Variants in PTPRN2 observed in about 807,000 individuals in gnomAD.
PTPRN2 encodes protein tyrosine phosphatase receptor type N2.
Under a neutral mutation model 118.8 loss-of-function variants are expected in PTPRN2, and 74 were observed. The observed-to-expected ratio is 0.62, with a 90% confidence interval of 0.52 to 0.76. The LOEUF (loss-of-function observed/expected upper bound fraction) is 0.76, where lower values mean the gene tolerates loss of function less well. PTPRN2 is among the 30% of genes least tolerant of loss of function. The pLI is 0.00. For synonymous variants in PTPRN2, 641 were observed against 608.0 expected, an observed-to-expected ratio of 1.05 and a Z score of -0.80; for missense variants, 1,481 against 1,394.4, an observed-to-expected ratio of 1.06 and a Z score of -0.99.
chr7:157,794,957 G>A lies in PTPRN2; in HGVS notation c.1788+103716C>T, dbSNP rs112401029. On this transcript the variant is annotated intron_variant, in intron 12 of 22. Coordinates refer to ENST00000389418, the MANE Select transcript of PTPRN2 (RefSeq NM_002847.5). This position sits in a 1 kb window ranked among gnomAD's most constrained non-coding sequence, Gnocchi z 5.2. Reference sequence around the variant, plus strand: ...GGCCAGAGTGCTTCCCTCACTTAGCGGGGATGCAATTATAAAGTATTGAAA... The same window carrying A: ...GGCCAGAGTGCTTCCCTCACTTAGCAGGGATGCAATTATAAAGTATTGAAA... 5.3e-5 allele frequency among the ~76,000 whole-genome samples: 8 copies of A among 152,242 alleles called. No homozygotes were observed. The highest frequency in any genetic ancestry group is 2.1e-4 in the South Asian group (1 of 4,832).
At chr7:158,190,225 G>C (rs988075685) in intron 5 of PTPRN2, among the ~76,000 whole-genome samples, 1 of 152,320 alleles carries the variant, frequency 6.6e-6, no homozygotes, top group East Asian at 1.9e-4. Flanking sequence ...AGGCACAGAA[G>C]CTGAGCGGCT....
intron 11 of PTPRN2, among the ~76,000 whole-genome samples, chr7:157,976,200 G>A (rs754721263): frequency 2.6e-5 from 4 of 152,204 alleles, no homozygotes; most frequent in East Asian, 3.9e-4. Flanking sequence ...ATCAGCAAAC[G>A]AATCTTCCCA....
intron 6 of PTPRN2, among the ~76,000 whole-genome samples, chr7:158,141,250 T>A (rs2150469714): frequency 6.6e-6 from 1 of 152,366 alleles, no homozygotes; most frequent in East Asian, 1.9e-4. Flanking sequence ...CATTTTAGGT[T>A]TTTTGTCTGC....
chr7:158,423,835 G>T (rs1815470293), intron 2 of PTPRN2, among the ~76,000 whole-genome samples: 1 of 152,050 alleles, frequency 6.6e-6, no homozygotes, highest in Non-Finnish European at 1.5e-5. Flanking sequence ...TGAGGAAAGA[G>T]AAACTGGGAC....
intron 4 of PTPRN2, among the ~76,000 whole-genome samples, chr7:158,196,984 A>G (rs1306226885): frequency 6.6e-6 from 1 of 152,192 alleles, no homozygotes; most frequent in East Asian, 1.9e-4. Flanking sequence ...GGAGGTAGAT[A>G]TGAGTCAAGG....
Position 157,964,101 on chromosome 7 carries a change from G to A in PTPRN2, c.1724-65364C>T, listed in dbSNP as rs190384157. The stretch of plus-strand genomic sequence containing the variant: ...ATCTGTAAGAGGCTGTTGAGGGCAC[G>A]ACCACCTCGCAGTGACCTCCCTCTG... On this transcript the variant is annotated intron_variant, in intron 11 of 22. Coordinates refer to ENST00000389418, the MANE Select transcript of PTPRN2 (RefSeq NM_002847.5). This position sits in a 1 kb window ranked among gnomAD's most constrained non-coding sequence, Gnocchi z 9.0. 2.2e-4 allele frequency among the ~76,000 whole-genome samples: 34 copies of A among 152,196 alleles called. No homozygotes were observed. Among genetic ancestry groups the A allele is most frequent in the African/African-American group, 6.7e-4 (28 of 41,526 alleles).
At chr7:157,576,130 A>C (rs1800025638) in intron 19 of PTPRN2, among the ~76,000 whole-genome samples, 1 of 152,196 alleles carries the variant, frequency 6.6e-6, no homozygotes, top group African/African-American at 2.4e-5. Context: ...TGAATTTTTT[A>C]AAGAGGGTCA....
chr7:157,886,023 C>A (rs1055619597), intron 12 of PTPRN2, among the ~76,000 whole-genome samples: 1 of 152,220 alleles, frequency 6.6e-6, no homozygotes, highest in Non-Finnish European at 1.5e-5. Context: ...GTGCAGGATC[C>A]TGTTAATTTT....
intron 3 of PTPRN2, among the ~76,000 whole-genome samples, chr7:158,277,213 T>G (rs1282164450): frequency 1.3e-5 from 2 of 152,220 alleles, no homozygotes; most frequent in Non-Finnish European, 2.9e-5. Flanking sequence ...ACTGTTGCTT[T>G]AAGAACTGTC....
chr7:158,460,677 C>T (rs1291693560), intron 2 of PTPRN2, among the ~76,000 whole-genome samples: 2 of 152,390 alleles, frequency 1.3e-5, no homozygotes, highest in South Asian at 2.1e-4. Flanking sequence ...CAAGCATACG[C>T]AGTGCCATCT....
At chr7:157,802,285 T>G (rs113132158) in intron 12 of PTPRN2, among the ~76,000 whole-genome samples, 22 of 152,338 alleles carry the variant, frequency 1.4e-4, no homozygotes, top group African/African-American at 5.3e-4. Context: ...CCTCTCTTCT[T>G]CGGTGCGTTC....
intron 3 of PTPRN2, among the ~76,000 whole-genome samples, chr7:158,247,365 G>A (rs1018814009): frequency 6.6e-5 from 10 of 152,310 alleles, no homozygotes; most frequent in South Asian, 2.1e-4. Context: ...GGAGGAGGGC[G>A]CTCTTGACCG....
At chr7:157,701,319 C>T (rs1005833439) in intron 12 of PTPRN2, among the ~76,000 whole-genome samples, 3 of 152,236 alleles carry the variant, frequency 2.0e-5, no homozygotes, top group Non-Finnish European at 4.4e-5. Flanking sequence ...CTCCTCTCTG[C>T]AGTCTGAGCT....
intron 1 of PTPRN2, among the ~76,000 whole-genome samples, chr7:158,587,110 G>A (rs1157725814): frequency 1.4e-5 from 2 of 146,956 alleles, no homozygotes; most frequent in East Asian, 4.1e-4. Context: ...CGCTCGCCAA[G>A]GCGCGCTCCC....
intron 15 of PTPRN2, among the ~76,000 whole-genome samples, chr7:157,613,489 CAG>C (rs1417333334): frequency 2.0e-5 from 3 of 152,314 alleles, no homozygotes; most frequent in East Asian, 3.9e-4. Flanking sequence ...CCTCAATCGA[CAG>C]AACGTGTCAC....
At chr7:158,289,886 G>A (rs764059804) in intron 3 of PTPRN2, among the ~76,000 whole-genome samples, 21 of 152,324 alleles carry the variant, frequency 1.4e-4, no homozygotes, top group South Asian at 4.1e-4. Flanking sequence ...TCCATAGGTA[G>A]GCTTGCTATT....
At chr7:157,931,863 C>G (rs148366961) in intron 11 of PTPRN2, among the ~76,000 whole-genome samples, 2,987 of 152,242 alleles carry the variant, frequency 0.02, 42 homozygotes, top group Non-Finnish European at 0.034. Flanking sequence ...TGGGATTCTA[C>G]CACCGCCAGG....
intron 14 of PTPRN2, among the ~76,000 whole-genome samples, chr7:157,650,644 C>G (rs188770314): frequency 1.3e-5 from 2 of 152,336 alleles, no homozygotes; most frequent in Admixed American, 1.3e-4. Flanking sequence ...TGCCCGTCAA[C>G]CACGTGGGAA....
At chr7:158,174,686 C>T (rs944339312) in intron 5 of PTPRN2, among the ~76,000 whole-genome samples, 2 of 152,216 alleles carry the variant, frequency 1.3e-5, no homozygotes, top group African/African-American at 4.8e-5. Context: ...GAGTCATAGA[C>T]ATTAACAACC....
Sources: allele counts gnomAD v4.1 joint callset (sites outside exome capture counted in the v4.1 genomes callset), GRCh38; gene constraint gnomAD v4.1.1; non-coding constraint Gnocchi (gnomAD v3.1); transcripts MANE v1.5; gene names NCBI Gene and HGNC (gene_info 2026-07-23, HGNC 2026-07-21).